Variants in VAV2 observed in about 807,000 individuals in gnomAD.
The protein encoded by VAV2 is vav guanine nucleotide exchange factor 2.
Under a neutral mutation model 132.5 loss-of-function variants are expected in VAV2, and 67 were observed. That is an observed-to-expected ratio of 0.51 (90% CI 0.42 to 0.62). The LOEUF is 0.62. VAV2 is among the 20% of genes least tolerant of loss of function. The pLI is 0.00. For synonymous variants in VAV2, 492 were observed against 443.5 expected, an observed-to-expected ratio of 1.11 and a Z score of -1.37; for missense variants, 938 against 1,153.6, an observed-to-expected ratio of 0.81 and a Z score of 2.71.
chr9:133,786,518 G>A (rs141981525), intron 16 of VAV2, among the ~76,000 whole-genome samples: 10 of 152,170 alleles, frequency 6.6e-5, no homozygotes, highest in African/African-American at 1.9e-4. Context: ...AAGGATGAGC[G>A]CAGGGCCCCA....
intron 2 of VAV2, among the ~76,000 whole-genome samples, chr9:133,908,520 C>T (rs1185097517): frequency 2.7e-5 from 4 of 150,598 alleles, no homozygotes; most frequent in African/African-American, 9.8e-5. Context: ...ACTGCAGTGA[C>T]CACCCCAACC....
chr9:133,814,750 C>T (rs1300901130), intron 4 of VAV2, among the ~76,000 whole-genome samples: 1 of 152,188 alleles, frequency 6.6e-6, no homozygotes, highest in African/African-American at 2.4e-5. Context: ...CATAAAGGCC[C>T]CCATGCCGCC....
intron 2 of VAV2, among the ~76,000 whole-genome samples, chr9:133,896,726 G>T (rs1437174995): frequency 6.6e-6 from 1 of 152,108 alleles, no homozygotes; most frequent in Non-Finnish European, 1.5e-5. Flanking sequence ...GTCTAGAATT[G>T]TGTTTACGAA....
intron 16 of VAV2, 38 bp from the exon 17 acceptor site, chr9:133,785,923 G>A (rs188451187): frequency 2.7e-5 from 43 of 1,567,898 alleles, no homozygotes; most frequent in South Asian, 1.7e-4. Context: ...CAATAGACAC[G>A]GCTTCAGACA....
Position 133,812,106 on chromosome 9 carries a change from G to A in VAV2, c.552+8C>T, listed in dbSNP as rs1835378989. The A allele has an allele frequency of 1.2e-6, 2 of 1,613,408 alleles. No homozygotes were observed. The highest frequency in any genetic ancestry group is 1.3e-5 in the African/African-American group (1 of 74,934). On this transcript the variant is annotated splice_region_variant and intron_variant, in intron 5 of 29. Coordinates refer to ENST00000371850, the MANE Select transcript of VAV2 (RefSeq NM_001134398.2). ...GGGGAAGGGAGGGAGGAGCGGGGCA[G>A]GGCTCACCATGGGCTGCTGCACCTC...
chr9:133,927,645 G>C (rs1170753875), intron 2 of VAV2, among the ~76,000 whole-genome samples: 2 of 152,012 alleles, frequency 1.3e-5, no homozygotes, highest in Non-Finnish European at 2.9e-5. Flanking sequence ...ACTCCAAGCG[G>C]CCCCCAGATC....
chr9:133,865,652 G>A (rs1311025090), intron 2 of VAV2, among the ~76,000 whole-genome samples: 1 of 151,898 alleles, frequency 6.6e-6, no homozygotes, highest in Non-Finnish European at 1.5e-5. Context: ...TTTTTTCCGA[G>A]AATAGAAATT....
chr9:133,781,653 A>G (rs1335680578), intron 19 of VAV2, among the ~76,000 whole-genome samples: 1 of 152,248 alleles, frequency 6.6e-6, no homozygotes, highest in Non-Finnish European at 1.5e-5. Flanking sequence ...TACAATGGTC[A>G]AAGGAGCACT....
At position 133,863,219 on chromosome 9, in the gene VAV2, G is replaced by T. The variant is rs1312934576; in HGVS notation, c.322-1787C>A. ...TTGGAAGAATGTTAGATCCCAAAGGGTTTGGCAACTACAGGGCACCCAAGC... is the reference window on the plus strand; with the variant it reads ...TTGGAAGAATGTTAGATCCCAAAGGTTTTGGCAACTACAGGGCACCCAAGC... On this transcript the variant is annotated intron_variant, in intron 2 of 29. Transcript: ENST00000371850. This position sits in a 1 kb window ranked among gnomAD's most constrained non-coding sequence, Gnocchi z 5.0. Among the ~76,000 whole-genome samples the T allele has an allele frequency of 6.6e-6, 1 of 152,218 alleles. No individual in the cohort carries two copies.
intron 4 of VAV2, among the ~76,000 whole-genome samples, chr9:133,815,785 T>C (rs1156727414): frequency 6.6e-6 from 1 of 152,198 alleles, no homozygotes; most frequent in East Asian, 1.9e-4. Context: ...TGTGTGCGTG[T>C]GTATGCACGC....
At chr9:133,783,481 G>C in intron 19 of VAV2, 22 bp downstream of exon 19, 1 of 1,521,806 alleles carries the variant, frequency 6.6e-7, no homozygotes, top group Middle Eastern at 1.7e-4. Flanking sequence ...GACTGGGGTG[G>C]GGGGGTGAGG....
At chr9:133,877,175 G>A (rs1838298273) in intron 2 of VAV2, among the ~76,000 whole-genome samples, 1 of 152,178 alleles carries the variant, frequency 6.6e-6, no homozygotes, top group South Asian at 2.1e-4. Context: ...CCTTCCTCTG[G>A]CCTCGGGATG....
chr9:133,803,312 G>A (rs1017802756), intron 9 of VAV2, among the ~76,000 whole-genome samples: 2 of 152,098 alleles, frequency 1.3e-5, no homozygotes, highest in African/African-American at 2.4e-5. Context: ...AAGCCAGTTC[G>A]TGGCCTTCCT....
intron 21 of VAV2, 47 bp from the exon 22 acceptor site, chr9:133,778,936 G>C (rs775961565): frequency 1.3e-6 from 2 of 1,598,640 alleles, no homozygotes; most frequent in Admixed American, 3.3e-5. Context: ...AGCTCACTCG[G>C]TGACTGACTT....
At chr9:133,844,835 G>A (rs1389766964) in intron 3 of VAV2, among the ~76,000 whole-genome samples, 1 of 152,228 alleles carries the variant, frequency 6.6e-6, no homozygotes. Flanking sequence ...GCTTGGGTCT[G>A]CCCAAGCTTC....
intron 3 of VAV2, among the ~76,000 whole-genome samples, chr9:133,855,755 G>T (rs1837360956): frequency 6.6e-6 from 1 of 152,218 alleles, no homozygotes; most frequent in Non-Finnish European, 1.5e-5. Flanking sequence ...ATACGGGTAT[G>T]TCTGATATTC....
At chr9:133,868,475 G>A (rs1157418945) in intron 2 of VAV2, among the ~76,000 whole-genome samples, 1 of 152,238 alleles carries the variant, frequency 6.6e-6, no homozygotes, top group Non-Finnish European at 1.5e-5. Flanking sequence ...GTCTACCCGT[G>A]TGGCTGTAGG....
At chr9:133,932,016 A>G (rs1035239982) in intron 2 of VAV2, among the ~76,000 whole-genome samples, 1 of 152,194 alleles carries the variant, frequency 6.6e-6, no homozygotes, top group African/African-American at 2.4e-5. Context: ...CCAGCTCGCA[A>G]TGAGATCAGA....
rs546745972 is a variant in VAV2 at position 133,855,295 on chromosome 9, A to C, written c.380+6079T>G. 1.3e-4 allele frequency among the ~76,000 whole-genome samples: 20 copies of C among 152,368 alleles called. No individual in the cohort carries two copies. The East Asian group carries it at 3.7e-3, about 28-fold the overall frequency. On this transcript the variant is annotated intron_variant, in intron 3 of 29. Transcript: ENST00000371850. ...GGTGTGGGAACTGCAGAGTCTGCCA[A>C]GGCCCATTCACGGAGCCTCCGGCTG... is the stretch of plus-strand genomic sequence containing the variant.
Sources: gnomAD v4.1 joint callset for allele counts (sites outside exome capture counted in the v4.1 genomes callset) on GRCh38, gnomAD v4.1.1 for gene constraint, Gnocchi (gnomAD v3.1) non-coding constraint, MANE v1.5 for transcripts, NCBI Gene and HGNC (gene_info 2026-07-23, HGNC 2026-07-21) for gene names.